MAGI2: variants seen among roughly 807,000 people sequenced by gnomAD.
MAGI2 encodes membrane-associated guanylate kinase, WW and PDZ domain-containing protein 2.
Under a neutral mutation model 133.3 loss-of-function variants are expected in MAGI2, and 35 were observed. That is an observed-to-expected ratio of 0.26 (90% CI 0.20 to 0.35). MAGI2 has a LOEUF of 0.35. MAGI2 is among the 10% of genes least tolerant of loss of function. MAGI2 has a pLI of 1.00. For synonymous variants in MAGI2, 729 were observed against 710.6 expected, an observed-to-expected ratio of 1.03 and a Z score of -0.41; for missense variants, 1,636 against 1,863.4, an observed-to-expected ratio of 0.88 and a Z score of 2.25.
At chr7:78,846,948 G>A (rs1792668385) in intron 2 of MAGI2, among the ~76,000 whole-genome samples, 1 of 151,796 alleles carries the variant, frequency 6.6e-6, no homozygotes, top group Non-Finnish European at 1.5e-5. Flanking sequence ...CTCCCCAGGT[G>A]GTCCTTATAT....
chr7:78,849,565 G>A (rs897202488), intron 2 of MAGI2, among the ~76,000 whole-genome samples: 1 of 152,066 alleles, frequency 6.6e-6, no homozygotes, highest in South Asian at 2.1e-4. Flanking sequence ...AATGGTTAGA[G>A]TGAAAGGCAG....
At chr7:78,972,632 TTAAA>T (rs1803884465) in intron 2 of MAGI2, among the ~76,000 whole-genome samples, 1 of 151,800 alleles carries the variant, frequency 6.6e-6, no homozygotes, top group Middle Eastern at 3.2e-3. Flanking sequence ...GGTAAATAGA[TTAAA>T]TAGGCATTAT....
intron 7 of MAGI2, among the ~76,000 whole-genome samples, chr7:78,360,260 T>A (rs993968517): frequency 6.6e-6 from 1 of 152,142 alleles, no homozygotes; most frequent in Non-Finnish European, 1.5e-5. Context: ...ATCTAGAAGA[T>A]GCAAATGCCA....
intron 7 of MAGI2, among the ~76,000 whole-genome samples, chr7:78,363,576 C>G (rs1024634193): frequency 7.3e-5 from 11 of 151,256 alleles, no homozygotes; most frequent in African/African-American, 2.7e-4. Flanking sequence ...CATACTCTGG[C>G]CATGGGATTA....
chr7:78,094,400 T>A (rs1235144737), intron 20 of MAGI2, among the ~76,000 whole-genome samples: 1 of 152,224 alleles, frequency 6.6e-6, no homozygotes, highest in Non-Finnish European at 1.5e-5. Flanking sequence ...CTGCCTGAAT[T>A]CATCATTATA....
At chr7:79,060,101 T>G (rs1006849473) in intron 1 of MAGI2, among the ~76,000 whole-genome samples, 2 of 152,084 alleles carry the variant, frequency 1.3e-5, no homozygotes, top group African/African-American at 4.8e-5. Context: ...TTTATCTTAC[T>G]GCAAAATTAA....
intron 9 of MAGI2, among the ~76,000 whole-genome samples, chr7:78,303,009 G>A (rs1374560118): frequency 1.3e-5 from 2 of 152,164 alleles, no homozygotes. Context: ...CAGGAGGCAG[G>A]GAGGGGAAAG....
At chr7:78,738,879 CTACATAAGAAAAAGAAAAATATAGA>C (rs1822124601) in intron 2 of MAGI2, among the ~76,000 whole-genome samples, 1 of 151,988 alleles carries the variant, frequency 6.6e-6, no homozygotes, top group South Asian at 2.1e-4. Context: ...AAAGAAGAAA[CTACATAAGAAAAAGAAAAATATAGA>C]TACATAACTC....
At chr7:78,611,869 G>A (rs760384617) in intron 3 of MAGI2, among the ~76,000 whole-genome samples, 8 of 152,148 alleles carry the variant, frequency 5.3e-5, no homozygotes, top group Non-Finnish European at 7.4e-5. Context: ...CTCTGTCCTA[G>A]CAAGGCTGGT....
At chr7:78,984,746 G>T (rs1436802410) in intron 2 of MAGI2, among the ~76,000 whole-genome samples, 3 of 151,734 alleles carry the variant, frequency 2.0e-5, no homozygotes, top group East Asian at 3.9e-4. Flanking sequence ...CCCTGAATTT[G>T]CTTTATTTTT....
chr7:78,376,823 G>A (rs1794491820), intron 6 of MAGI2, among the ~76,000 whole-genome samples: 1 of 152,080 alleles, frequency 6.6e-6, no homozygotes. Context: ...GATGTTGTCT[G>A]GTAAAGACTT....
chr7:78,383,369 A>G (rs10265453), intron 6 of MAGI2, among the ~76,000 whole-genome samples: 82,930 of 151,934 alleles, frequency 0.55, 23,506 homozygotes, highest in Middle Eastern at 0.66. Flanking sequence ...GATTAGTGAT[A>G]CTGATTATTT....
intron 1 of MAGI2, among the ~76,000 whole-genome samples, chr7:79,243,364 A>T: frequency 6.6e-6 from 1 of 152,142 alleles, no homozygotes; most frequent in East Asian, 1.9e-4. Flanking sequence ...TTTAATTCCT[A>T]ATCTAAACTA....
chr7:78,498,107 A>G (rs1425687586), intron 5 of MAGI2, among the ~76,000 whole-genome samples: 1 of 152,194 alleles, frequency 6.6e-6, no homozygotes, highest in Admixed American at 6.5e-5. Context: ...CATATGTACT[A>G]GACTTTTGAA....
intron 6 of MAGI2, among the ~76,000 whole-genome samples, chr7:78,403,383 C>T (rs371050682): frequency 6.6e-6 from 1 of 152,154 alleles, no homozygotes; most frequent in Non-Finnish European, 1.5e-5. Context: ...CCACATTTTC[C>T]TAATCTAGTC....
intron 15 of MAGI2, among the ~76,000 whole-genome samples, chr7:78,162,364 A>AG (rs1436076110): frequency 1.3e-5 from 2 of 151,494 alleles, no homozygotes; most frequent in Non-Finnish European, 2.9e-5. Context: ...ATACAAAAAA[A>AG]AAAAAAAAAA....
chr7:79,007,534 G>C (rs1406285213), intron 1 of MAGI2, among the ~76,000 whole-genome samples: 2 of 152,006 alleles, frequency 1.3e-5, no homozygotes, highest in African/African-American at 2.4e-5. Flanking sequence ...TGGCTAAAAA[G>C]ACTATTTACT....
intron 9 of MAGI2, among the ~76,000 whole-genome samples, chr7:78,329,038 CA>C: frequency 6.6e-6 from 1 of 152,046 alleles, no homozygotes; most frequent in Non-Finnish European, 1.5e-5. Flanking sequence ...TAGTTCTTGC[CA>C]TTAAAAAAAG....
chr7:78,479,423 G>C (rs1243989007), intron 6 of MAGI2, among the ~76,000 whole-genome samples: 1 of 151,914 alleles, frequency 6.6e-6, no homozygotes, highest in Non-Finnish European at 1.5e-5. Flanking sequence ...CCATCCTACA[G>C]ATCCAGTGTC....
Sources: gnomAD v4.1 joint callset for allele counts (sites outside exome capture counted in the v4.1 genomes callset) on GRCh38, gnomAD v4.1.1 for gene constraint, MANE v1.5 for transcripts, NCBI Gene and HGNC (gene_info 2026-07-23, HGNC 2026-07-21) for gene names.